The following CNTN1 variants were observed in gnomAD, a reference collection of about 807,000 sequenced individuals.
CNTN1 encodes contactin-1.
In CNTN1, 38 loss-of-function variants were observed where a neutral mutation model predicts 126.4. The ratio of observed to expected loss-of-function variants is 0.30; its 90% CI spans 0.23 to 0.39. The LOEUF (loss-of-function observed/expected upper bound fraction) is 0.39, where lower values mean the gene tolerates loss of function less well. CNTN1 is among the 10% of genes least tolerant of loss of function. The pLI, the probability that CNTN1 is intolerant of heterozygous loss-of-function variation, is 1.00. For synonymous variants in CNTN1, 413 were observed against 422.6 expected, an observed-to-expected ratio of 0.98 and a Z score of 0.28; for missense variants, 1,009 against 1,248.4, an observed-to-expected ratio of 0.81 and a Z score of 2.89.
chr12:40,707,046 GCACACACACACACA>G (rs59993134), intron 1 of CNTN1, among the ~76,000 whole-genome samples: 36,667 of 149,300 alleles, frequency 0.25, 5,102 homozygotes, highest in East Asian at 0.47. Context: ...GCGCGCTTGC[GCACACACACACACA>G]CACACACACA....
intron 1 of CNTN1, among the ~76,000 whole-genome samples, chr12:40,826,421 G>A (rs1941615724): frequency 6.6e-6 from 1 of 152,070 alleles, no homozygotes; most frequent in Non-Finnish European, 1.5e-5. Flanking sequence ...GACAATACCT[G>A]CAAATATGAA....
In CNTN1 at chr12:40,783,715, A is replaced by T. The variant is rs546861910; in HGVS notation, c.-77+91123A>T. Among the ~76,000 whole-genome samples, 4 of 152,276 alleles carry T rather than the reference A, an allele frequency of 2.6e-5. No homozygotes were observed. The East Asian group carries it at 7.7e-4, about 29-fold the overall frequency. Reference sequence around the variant, plus strand: ...CTTTACTCGTTGTGTGAAACACGTAAATCAGGTAATAAAAAACCAAATAGA... The same window carrying T: ...CTTTACTCGTTGTGTGAAACACGTATATCAGGTAATAAAAAACCAAATAGA... On this transcript the variant is annotated intron_variant, in intron 1 of 23. Coordinates refer to ENST00000551295, the MANE Select transcript of CNTN1 (RefSeq NM_001843.4).
intron 9 of CNTN1, among the ~76,000 whole-genome samples, chr12:40,934,583 T>A (rs1392507949): frequency 1.3e-5 from 2 of 151,950 alleles, no homozygotes; most frequent in African/African-American, 2.4e-5. Flanking sequence ...AACATGAACT[T>A]TGCAGGTCAC....
At chr12:40,917,476 A>T (rs1450350885) in intron 3 of CNTN1, among the ~76,000 whole-genome samples, 2 of 152,136 alleles carry the variant, frequency 1.3e-5, no homozygotes, top group Admixed American at 1.3e-4. Flanking sequence ...CTGAAACAAG[A>T]TTTAAATGAC....
At chr12:40,741,806 A>C (rs574920414) in intron 1 of CNTN1, among the ~76,000 whole-genome samples, 135 of 152,206 alleles carry the variant, frequency 8.9e-4, no homozygotes, top group Non-Finnish European at 1.6e-3. Context: ...TACAAATAAC[A>C]ACTATTATTA....
At chr12:40,933,630 G>C in intron 8 of CNTN1, 67 bp from the exon 9 acceptor site, 2 of 1,523,336 alleles carry the variant, frequency 1.3e-6, no homozygotes, top group Non-Finnish European at 1.8e-6. Flanking sequence ...TAATTGTTTA[G>C]CTATAAACAT....
Position 41,016,872 on chromosome 12 carries a change from A to T in CNTN1, c.2375A>T (p.Asp792Val), listed in dbSNP as rs1250582749. The change falls in exon 19 of 24, where the codon GAT becomes GTT. Residue 792 changes from aspartate to valine, a missense_variant. Coordinates refer to ENST00000551295, the MANE Select transcript of CNTN1 (RefSeq NM_001843.4). The stretch of plus-strand genomic sequence containing the variant: ...GTCAAGGCCTTCAACAACAAAGGAG[A>T]TGGACCTTACAGCCTAGTAGCAGTC... ...VKVKAFNNKGDGPYSLVAVIN... is the reference protein window; with the variant it reads ...VKVKAFNNKGVGPYSLVAVIN... 1 of 1,614,142 alleles carries T rather than the reference A, an allele frequency of 6.2e-7. No individual in the cohort carries two copies. Among genetic ancestry groups the T allele is most frequent in the Non-Finnish European group, 8.5e-7 (1 of 1,180,004 alleles).
At chr12:40,727,351 A>C (rs1942383257) in intron 1 of CNTN1, among the ~76,000 whole-genome samples, 1 of 152,004 alleles carries the variant, frequency 6.6e-6, no homozygotes, top group African/African-American at 2.4e-5. Context: ...GCAAATGAAA[A>C]GCAGAAATAC....
At chr12:40,921,728 T>C (rs1945449442) in intron 4 of CNTN1, among the ~76,000 whole-genome samples, 1 of 152,200 alleles carries the variant, frequency 6.6e-6, no homozygotes, top group African/African-American at 2.4e-5. Context: ...CAACTGACTT[T>C]TATCATTTTC....
intron 23 of CNTN1, among the ~76,000 whole-genome samples, chr12:41,042,707 A>C (rs1002490168): frequency 3.3e-5 from 5 of 152,168 alleles, no homozygotes; most frequent in African/African-American, 1.2e-4. Flanking sequence ...TCCTAAGCCA[A>C]AAGAACTAAG....
At chr12:40,792,237 C>T (rs1940246019) in intron 1 of CNTN1, among the ~76,000 whole-genome samples, 1 of 152,050 alleles carries the variant, frequency 6.6e-6, no homozygotes, top group South Asian at 2.1e-4. Flanking sequence ...CAAATCTCAG[C>T]TCCTCCACCC....
At chr12:41,026,860 A>G (rs891636919) in intron 21 of CNTN1, among the ~76,000 whole-genome samples, 2 of 152,192 alleles carry the variant, frequency 1.3e-5, no homozygotes, top group Non-Finnish European at 2.9e-5. Context: ...AAAGCCAGTT[A>G]GGAGACTATT....
intron 1 of CNTN1, among the ~76,000 whole-genome samples, chr12:40,693,460 A>C (rs1210945646): frequency 6.6e-6 from 1 of 152,228 alleles, no homozygotes; most frequent in Non-Finnish European, 1.5e-5. Context: ...CGGTTCCTGC[A>C]GGAGTCAGAT....
chr12:40,715,076 C>A (rs900765651), intron 1 of CNTN1, among the ~76,000 whole-genome samples: 1 of 152,100 alleles, frequency 6.6e-6, no homozygotes, highest in Admixed American at 6.6e-5. Context: ...AACTGAATTT[C>A]GTTTGTTTTA....
chr12:41,028,719 A>G (rs142407628), intron 22 of CNTN1, among the ~76,000 whole-genome samples: 24 of 152,254 alleles, frequency 1.6e-4, no homozygotes, highest in African/African-American at 5.8e-4. Context: ...TTGAGAGACA[A>G]TTTTCAGACC....
intron 16 of CNTN1, among the ~76,000 whole-genome samples, chr12:40,992,496 G>A (rs573044584): frequency 1.3e-5 from 2 of 151,692 alleles, no homozygotes; most frequent in Non-Finnish European, 2.9e-5. Flanking sequence ...AATTAAATAA[G>A]CAAGCTAAGA....
At chr12:40,951,323 A>C (rs1433385980) in intron 14 of CNTN1, among the ~76,000 whole-genome samples, 3 of 151,878 alleles carry the variant, frequency 2.0e-5, no homozygotes, top group Non-Finnish European at 4.4e-5. Context: ...ATGCAAACAC[A>C]CTCTTAGTAA....
intron 1 of CNTN1, among the ~76,000 whole-genome samples, chr12:40,761,764 C>T (rs1008518703): frequency 8.5e-5 from 13 of 152,052 alleles, no homozygotes; most frequent in Admixed American, 5.9e-4. Flanking sequence ...CTTCAGTGAA[C>T]AATCATCAAA....
intron 23 of CNTN1, among the ~76,000 whole-genome samples, chr12:41,057,198 T>A (rs932332426): frequency 7.0e-6 from 1 of 142,520 alleles, no homozygotes; most frequent in African/African-American, 2.6e-5. Flanking sequence ...GATATTTATA[T>A]TATTATATTT....
Sources: gnomAD v4.1 joint callset for allele counts (sites outside exome capture counted in the v4.1 genomes callset) on GRCh38, gnomAD v4.1.1 for gene constraint, MANE v1.5 for transcripts, NCBI Gene and HGNC (gene_info 2026-07-23, HGNC 2026-07-21) for gene names.